The following AKAP7 variants were observed in gnomAD, a reference collection of about 807,000 sequenced individuals.
AKAP7 encodes the protein A-kinase anchoring protein 7.
AKAP7 carries 39 observed loss-of-function variants against 39.5 expected under a neutral mutation model. The ratio of observed to expected loss-of-function variants is 0.99; its 90% CI spans 0.76 to 1.29. The LOEUF is 1.29. AKAP7 is among the 50% of genes most tolerant of loss of function. The pLI is 0.00. For missense variants in AKAP7, 414 were observed against 407.7 expected (o/e 1.02, Z -0.13); for synonymous variants, 140 against 139.1 (o/e 1.01, Z -0.05).
intron 1 of AKAP7, among the ~76,000 whole-genome samples, chr6:131,143,872 A>C (rs1801260374): frequency 7.0e-6 from 1 of 143,252 alleles, no homozygotes; most frequent in African/African-American, 2.6e-5. Context: ...ACAAGTGAAC[A>C]AAGGTCTCTG....
At chr6:131,233,973 G>A (rs1810831672) in intron 7 of AKAP7, among the ~76,000 whole-genome samples, 1 of 152,150 alleles carries the variant, frequency 6.6e-6, no homozygotes, top group South Asian at 2.1e-4. Context: ...TTGTTATATA[G>A]TTACTCTTAA....
intron 5 of AKAP7, among the ~76,000 whole-genome samples, chr6:131,171,894 A>G (rs1348621641): frequency 3.9e-5 from 6 of 152,178 alleles, no homozygotes; most frequent in Admixed American, 3.9e-4. Flanking sequence ...TGAAGTCTGG[A>G]TGGGACTAAT....
chr6:131,168,926 T>C (rs1803763961), intron 4 of AKAP7, among the ~76,000 whole-genome samples, 187 bp from the exon 5 acceptor site: 1 of 152,200 alleles, frequency 6.6e-6, no homozygotes, highest in Non-Finnish European at 1.5e-5. Context: ...CTTTACTTCT[T>C]CCATAGTTTT....
chr6:131,206,759 G>A (rs1162052371), intron 6 of AKAP7, among the ~76,000 whole-genome samples: 2 of 149,452 alleles, frequency 1.3e-5, no homozygotes, highest in Non-Finnish European at 3.0e-5. Flanking sequence ...CTAGCTAGCT[G>A]TCTGTCTGTC....
intron 1 of AKAP7, among the ~76,000 whole-genome samples, chr6:131,144,472 G>A (rs1000570616): frequency 6.6e-6 from 1 of 152,216 alleles, no homozygotes; most frequent in Non-Finnish European, 1.5e-5. Context: ...AATTATATTA[G>A]TATTCCAGGA....
intron 2 of AKAP7, among the ~76,000 whole-genome samples, chr6:131,148,402 C>G (rs1249880382): frequency 6.6e-6 from 1 of 152,112 alleles, no homozygotes; most frequent in Admixed American, 6.6e-5. Flanking sequence ...AAACAGAAAA[C>G]TTGTGTTTTA....
intron 7 of AKAP7, among the ~76,000 whole-genome samples, chr6:131,243,102 G>A (rs1811744805): frequency 6.6e-6 from 1 of 152,170 alleles, no homozygotes; most frequent in Admixed American, 6.5e-5. Context: ...TGCAGGCTGA[G>A]CGTGGGGCAC....
chr6:131,143,347 C>A (rs539388658), intron 1 of AKAP7, among the ~76,000 whole-genome samples: 112 of 152,216 alleles, frequency 7.4e-4, no homozygotes, highest in Non-Finnish European at 1.3e-3. Context: ...TGCCTTCGTG[C>A]CCTCCCTGCA....
intron 6 of AKAP7, among the ~76,000 whole-genome samples, chr6:131,216,725 C>T (rs1383498015): frequency 6.6e-6 from 1 of 152,156 alleles, no homozygotes; most frequent in Non-Finnish European, 1.5e-5. Context: ...TACTTAACCT[C>T]CTATTTTCTC....
intron 3 of AKAP7, among the ~76,000 whole-genome samples, chr6:131,163,161 TTATAA>T (rs1395678326): frequency 6.6e-6 from 1 of 152,156 alleles, no homozygotes; most frequent in Non-Finnish European, 1.5e-5. Flanking sequence ...GTAGGGTAAC[TTATAA>T]TAGAGGGAAA....
chr6:131,230,635 G>A lies in AKAP7; in HGVS notation c.850+10827G>A, dbSNP rs12526166. Among the ~76,000 whole-genome samples, 2,182 of 152,104 alleles carry A rather than the reference G, an allele frequency of 0.014. 139 individuals carry two copies. The East Asian group carries it at 0.17, about 12-fold the overall frequency. On this transcript the variant is annotated intron_variant, in intron 7 of 7. Coordinates refer to ENST00000431975, the MANE Select transcript of AKAP7 (RefSeq NM_016377.4). ...TGTTTTTGTTGCAATTGCATTTGGG[G>A]ACTTAGCCAAAAATTCTTTGCCAAG...
At chr6:131,225,865 C>T (rs1319746132) in intron 7 of AKAP7, among the ~76,000 whole-genome samples, 2 of 152,042 alleles carry the variant, frequency 1.3e-5, no homozygotes, top group African/African-American at 4.8e-5. Context: ...TCTTTTACAC[C>T]CCATCACATC....
intron 7 of AKAP7, among the ~76,000 whole-genome samples, chr6:131,234,338 A>G (rs932821206): frequency 2.0e-5 from 3 of 152,320 alleles, no homozygotes; most frequent in African/African-American, 7.2e-5. Flanking sequence ...CAAACAAACA[A>G]TTACAATTTA....
intron 2 of AKAP7, among the ~76,000 whole-genome samples, chr6:131,155,274 A>G (rs1209547047): frequency 6.6e-6 from 1 of 152,194 alleles, no homozygotes; most frequent in Admixed American, 6.5e-5. Context: ...TAGGTCTCAC[A>G]AAGTGCTAAG....
intron 7 of AKAP7, among the ~76,000 whole-genome samples, chr6:131,230,908 T>C (rs894403898): frequency 1.3e-5 from 2 of 152,176 alleles, no homozygotes; most frequent in South Asian, 2.1e-4. Flanking sequence ...AGTAAATGTT[T>C]ATGAATATAA....
At chr6:131,169,970 T>C (rs1181657649) in intron 5 of AKAP7, among the ~76,000 whole-genome samples, 1 of 152,032 alleles carries the variant, frequency 6.6e-6, no homozygotes, top group East Asian at 1.9e-4. Context: ...TCTTTGCTTT[T>C]CTTTCTCTGC....
Position 131,164,352 on chromosome 6 carries a change from C to T in AKAP7, c.292-729C>T, listed in dbSNP as rs183741020. On this transcript the variant is annotated intron_variant, in intron 3 of 7. Transcript: ENST00000431975. ...AGAAGTTGACTAGAATTGCATCTAA[C>T]TGGAAGTGGAGGAGGGAAGATGCAT... 2.9e-4 allele frequency: 131 copies of T among 454,916 alleles called. 2 individuals carry two copies. In the East Asian group the frequency reaches 5.8e-3, roughly 20 times the overall value. The allele number at this position is 454,916 out of a possible 1,614,324, so 28.2% of individuals were successfully genotyped here.
At chr6:131,271,351 A>G (rs1001646611) in intron 7 of AKAP7, among the ~76,000 whole-genome samples, 3 of 152,138 alleles carry the variant, frequency 2.0e-5, no homozygotes. Flanking sequence ...TTGAAAATTA[A>G]TTGGCCATAC....
intron 7 of AKAP7, among the ~76,000 whole-genome samples, chr6:131,236,880 A>G (rs1364051840): frequency 1.3e-5 from 2 of 152,104 alleles, no homozygotes; most frequent in Non-Finnish European, 2.9e-5. Flanking sequence ...CTCTTTTCCT[A>G]ATTGAATACC....
Sources: allele counts gnomAD v4.1 joint callset (sites outside exome capture counted in the v4.1 genomes callset), GRCh38; gene constraint gnomAD v4.1.1; transcripts MANE v1.5; gene names NCBI Gene and HGNC (gene_info 2026-07-23, HGNC 2026-07-21).